The following ATP13A1 variants were observed in gnomAD, a reference collection of about 807,000 sequenced individuals.
ATP13A1 encodes ATPase 13A1, also known as endoplasmic reticulum transmembrane helix translocase.
In ATP13A1, 55 loss-of-function variants were observed where a neutral mutation model predicts 134.8. The observed-to-expected ratio is 0.41, with a 90% CI of 0.33 to 0.51. ATP13A1 has a LOEUF of 0.51. Ranked by LOEUF, ATP13A1 falls within the 20% of genes least tolerant of loss-of-function variation. The probability of loss-of-function intolerance (pLI) is 0.29; values close to 1 mark genes in which losing one functional copy is unlikely to be tolerated. For synonymous variants in ATP13A1, 775 were observed against 725.1 expected (o/e 1.07, Z -1.10); for missense variants, 1,389 against 1,652.8 (o/e 0.84, Z 2.77).
Position 19,645,616 on chromosome 19 carries a change from GC to G in ATP13A1, c.3504+30del. On this transcript the variant is annotated intron_variant, in intron 25 of 25. Transcript: ENST00000357324. This position sits in a 1 kb window ranked among gnomAD's most constrained non-coding sequence, Gnocchi z 4.1. Reference sequence around the variant, plus strand: ...CCATAGGAGGGACCCATCAAGCTGAGCCCCAGGGTCACCTCCACAGGGCCAC... The same window carrying G: ...CCATAGGAGGGACCCATCAAGCTGAGCCCAGGGTCACCTCCACAGGGCCAC... 6.4e-7 allele frequency: 1 copy of G among 1,561,888 alleles called. No individual in the cohort carries two copies. Among genetic ancestry groups the G allele is most frequent in the South Asian group, 1.2e-5 (1 of 84,924 alleles).
chr19:19,653,002 C>T lies in ATP13A1; in HGVS notation c.2101-282G>A. The T allele has an allele frequency of 2.3e-6, 1 of 427,550 alleles. No homozygotes were observed. The highest frequency in any genetic ancestry group is 4.2e-6 in the Non-Finnish European group (1 of 235,452). 26.5% of individuals were successfully genotyped at this position (427,550 alleles called of 1,614,324 possible). ...CACAGAGTCCCTTGTGGCTCAGCTTCCAAGTCAATGAAGTAGGGACTCTCC... is the reference window on the plus strand; with the variant it reads ...CACAGAGTCCCTTGTGGCTCAGCTTTCAAGTCAATGAAGTAGGGACTCTCC... On this transcript the variant is annotated intron_variant, in intron 15 of 25. Coordinates refer to ENST00000357324, the MANE Select transcript of ATP13A1 (RefSeq NM_020410.3). The surrounding 1 kb of genome is among the most constrained non-coding windows in gnomAD (Gnocchi z 4.2).
At chr19:19,654,362 G>C (rs1212875301) in intron 13 of ATP13A1, among the ~76,000 whole-genome samples, 181 bp downstream of exon 13, 1 of 152,190 alleles carries the variant, frequency 6.6e-6, no homozygotes, top group African/African-American at 2.4e-5. Flanking sequence ...CCAACCCAGA[G>C]GGACACCCAA....
At chr19:19,652,782 C>A in intron 15 of ATP13A1, 62 bp from the exon 16 acceptor site, 1 of 1,539,664 alleles carries the variant, frequency 6.5e-7, no homozygotes, top group East Asian at 2.4e-5. Context: ...TCTGCATTTC[C>A]TGAGCTCTGA....
intron 3 of ATP13A1, among the ~76,000 whole-genome samples, chr19:19,659,177 G>A (rs1432215644): frequency 1.4e-4 from 22 of 152,168 alleles, no homozygotes; most frequent in East Asian, 1.9e-4. Flanking sequence ...AGATTTGGCC[G>A]GGTGCAGTGG....
Position 19,646,337 on chromosome 19 carries a change from G to A in ATP13A1, c.3116C>T (p.Thr1039Ile). 2 of 1,613,826 alleles carry A rather than the reference G, an allele frequency of 1.2e-6. No individual in the cohort carries two copies. Among genetic ancestry groups the A allele is most frequent in the Non-Finnish European group, 1.7e-6 (2 of 1,179,804 alleles). The change falls in exon 23 of 26, where the codon ACC (threonine) becomes ATC (isoleucine). Residue 1039 changes from threonine (T) to isoleucine (I), a missense_variant. Thr to Ile is a moderately conservative substitution (Grantham distance 89). This residue lies in a region of ATP13A1 where 228 missense variants were observed against 321.0 expected (regional missense o/e 0.71). Transcript: ENST00000357324. ...GGGCAGGGGCCGTTCTCGGGAGAGG[G>A]TCTTGAGGGGCTGCAGCAGCAAGGC... The part of the protein sequence containing the change: ...LFISRSKPLK[T>I]LSRERPLPNI...
At chr19:19,652,408 A>G (rs2145001885) in intron 16 of ATP13A1, among the ~76,000 whole-genome samples, 187 bp downstream of exon 16, 1 of 152,252 alleles carries the variant, frequency 6.6e-6, no homozygotes, top group East Asian at 1.9e-4. Context: ...AGGAGAGAGG[A>G]GCCAGCACAG....
At position 19,646,363 on chromosome 19, in the gene ATP13A1, G is replaced by A. The variant is rs369579799; in HGVS notation, c.3106-16C>T. On this transcript the variant is annotated splice_polypyrimidine_tract_variant and intron_variant, in intron 22 of 25. Transcript: ENST00000357324. ...TCTTGAGGGGCTGCAGCAGCAAGGCGGGTGGGGGAGTCAGGATCTGGCTCA... is the reference window on the plus strand; with the variant it reads ...TCTTGAGGGGCTGCAGCAGCAAGGCAGGTGGGGGAGTCAGGATCTGGCTCA... 122 of 1,613,282 alleles carry A rather than the reference G, an allele frequency of 7.6e-5. No homozygotes were observed. The highest frequency in any genetic ancestry group is 9.2e-5 in the Non-Finnish European group (108 of 1,179,786).
chr19:19,646,930 G>C (rs1423734220), intron 22 of ATP13A1, 199 bp downstream of exon 22: 4 of 612,264 alleles, frequency 6.5e-6, no homozygotes, highest in Non-Finnish European at 5.6e-6. Context: ...AGGTGTGGAC[G>C]CCAAGCTGTA....
In ATP13A1 at chr19:19,647,987, T is replaced by C. The variant is rs1265687105; in HGVS notation, c.2633-228A>G. 1.3e-5 allele frequency among the ~76,000 whole-genome samples: 2 copies of C among 152,016 alleles called. No individual in the cohort carries two copies. Among genetic ancestry groups the C allele is most frequent in the Non-Finnish European group, 2.9e-5 (2 of 68,010 alleles). On this transcript the variant is annotated intron_variant, in intron 19 of 25. Transcript: ENST00000357324. This position sits in a 1 kb window ranked among gnomAD's most constrained non-coding sequence, Gnocchi z 4.8. The stretch of plus-strand genomic sequence containing the variant: ...ACCAACAATAAACCCCCACAACAAA[T>C]GCAATGAAAAAACACACAACACGAG...
In ATP13A1 at chr19:19,655,589, G is replaced by A. The variant is rs2062052242; in HGVS notation, c.1335C>T (p.Phe445=). ...KRVTANNLET[F]IFILFLLVFA... ...ACACCAGGAGGAAGAGGATGAAGAT[G>A]AAGGTCTCCAGGTTGTTCGCAGTCA... The change falls in exon 10 of 26, where the codon TTC becomes TTT. Residue 445 remains phenylalanine (F), a synonymous_variant. Coordinates refer to ENST00000357324, the MANE Select transcript of ATP13A1 (RefSeq NM_020410.3). This position sits in a 1 kb window ranked among gnomAD's most constrained non-coding sequence, Gnocchi z 5.7. 10 of 1,613,970 alleles carry A rather than the reference G, an allele frequency of 6.2e-6. No homozygotes were observed. The highest frequency in any genetic ancestry group is 6.8e-6 in the Non-Finnish European group (8 of 1,179,870).
rs763746330 is a variant in ATP13A1 at position 19,656,756 on chromosome 19, T to C, written c.987A>G (p.Pro329=). Residue 329 remains proline, a synonymous_variant, in exon 7 of 26, where the codon CCA becomes CCG. Transcript: ENST00000357324. The surrounding 1 kb of genome is among the most constrained non-coding windows in gnomAD (Gnocchi z 4.6). ...PGDIVSIGRS[P]QENLVPCDVL... ...CGTCACATGGCACCAGGTTCTCCTG[T>C]GGGGAGCGGCCTGCAGGGCAGAGGC... 2.5e-5 allele frequency: 40 copies of C among 1,613,478 alleles called. No individual in the cohort carries two copies. The Middle Eastern group carries it at 9.9e-4, about 40-fold the overall frequency.
Position 19,645,844 on chromosome 19 carries a change from G to C in ATP13A1, c.3360+30C>G, listed in dbSNP as rs1324878960. ...TGGGGTGGGGCTGGGTGGGCAGACA[G>C]TGAATGTTTGGGCAGGGCCCAGGCC... On this transcript the variant is annotated intron_variant, in intron 24 of 25. Transcript: ENST00000357324. This position sits in a 1 kb window ranked among gnomAD's most constrained non-coding sequence, Gnocchi z 4.1. 2.6e-5 allele frequency: 42 copies of C among 1,612,686 alleles called. No homozygotes were observed. Among genetic ancestry groups the C allele is most frequent in the Non-Finnish European group, 3.1e-5 (37 of 1,179,254 alleles).
intron 1 of ATP13A1, chr19:19,662,983 G>T: frequency 1.7e-6 from 1 of 573,592 alleles, no homozygotes; most frequent in South Asian, 1.9e-5. Context: ...CCTGGGCGAC[G>T]TATGCTGGGC....
At chr19:19,662,038 C>A in intron 1 of ATP13A1, 3 of 1,561,292 alleles carry the variant, frequency 1.9e-6, no homozygotes, top group East Asian at 2.4e-5. Context: ...AGAGCAGAAG[C>A]GGCCCTTTCT....
At position 19,653,590 on chromosome 19, in the gene ATP13A1, C is replaced by G; in HGVS notation, c.2100+194G>C. The G allele has an allele frequency of 1.6e-6, 1 of 611,854 alleles. No individual in the cohort carries two copies. Among genetic ancestry groups the G allele is most frequent in the Non-Finnish European group, 2.9e-6 (1 of 349,056 alleles). 37.9% of individuals were successfully genotyped at this position (611,854 alleles called of 1,614,324 possible). Reference sequence around the variant, plus strand: ...AGCCCTGCGTGTGCTCTGCGTGAGCCAGGACTGGGTGGGTCCCCACAGCAG... The same window carrying G: ...AGCCCTGCGTGTGCTCTGCGTGAGCGAGGACTGGGTGGGTCCCCACAGCAG... On this transcript the variant is annotated intron_variant, in intron 15 of 25. Coordinates refer to ENST00000357324, the MANE Select transcript of ATP13A1 (RefSeq NM_020410.3). This position sits in a 1 kb window ranked among gnomAD's most constrained non-coding sequence, Gnocchi z 4.2.
At chr19:19,646,513 G>A (rs2061987066) in intron 22 of ATP13A1, 166 bp from the exon 23 acceptor site, 1 of 837,254 alleles carries the variant, frequency 1.2e-6, no homozygotes, top group Non-Finnish European at 1.8e-6. Flanking sequence ...ATCCCTGCCT[G>A]CCTCTCACCC....
At position 19,656,922 on chromosome 19, in the gene ATP13A1, C is replaced by T. The variant is rs767187901; in HGVS notation, c.907-6G>A. 9.3e-6 allele frequency: 15 copies of T among 1,609,554 alleles called. No homozygotes were observed. Among genetic ancestry groups the T allele is most frequent in the East Asian group, 6.7e-5 (3 of 44,700 alleles). ...CACTTGCGGCTTCGGTAGACCTGGG[C>T]GGGGCATGGGTGTCAGCACAGAAGC... On this transcript the variant is annotated splice_region_variant and splice_polypyrimidine_tract_variant and intron_variant, in intron 5 of 25. Transcript: ENST00000357324. This position sits in a 1 kb window ranked among gnomAD's most constrained non-coding sequence, Gnocchi z 4.6.
chr19:19,647,154 C>A lies in ATP13A1; in HGVS notation c.3080G>T (p.Cys1027Phe), dbSNP rs1169798567. ...CTTGGAACGGGAGATGAAGAGGAAG[C>A]AGCCGGCCAGCAGCAGCCCCTGTAG... ...ATLQGLLLAG[C>F]FLFISRSKPL... Residue 1027 changes from cysteine (C) to phenylalanine (F), a missense_variant, in exon 22 of 26, where the codon TGC becomes TTC. Around this residue, in one of 4 missense-constraint regions of ATP13A1, gnomAD observed 228 missense variants for 321.0 expected, o/e 0.71. Transcript: ENST00000357324. This position sits in a 1 kb window ranked among gnomAD's most constrained non-coding sequence, Gnocchi z 4.8. The A allele has an allele frequency of 4.3e-6, 7 of 1,612,888 alleles. No individual in the cohort carries two copies. The highest frequency in any genetic ancestry group is 1.3e-5 in the African/African-American group (1 of 74,914).
chr19:19,650,223 C>G (rs541679288), intron 17 of ATP13A1: 19 of 539,408 alleles, frequency 3.5e-5, no homozygotes, highest in Admixed American at 1.7e-4. Context: ...GCCATGCCCC[C>G]ACCTCATGCA....
Sources: allele counts gnomAD v4.1 joint callset (sites outside exome capture counted in the v4.1 genomes callset), GRCh38; gene constraint gnomAD v4.1.1; regional missense constraint gnomAD v4.1.1; non-coding constraint Gnocchi (gnomAD v3.1); transcripts MANE v1.5; gene names NCBI Gene and HGNC (gene_info 2026-07-23, HGNC 2026-07-21).